PCDH10: variants seen among roughly 807,000 people sequenced by gnomAD.
PCDH10 encodes the protein protocadherin 10, also known as protocadherin-10.
PCDH10 carries 15 observed loss-of-function variants against 74.4 expected under a neutral mutation model. The observed-to-expected ratio is 0.20, with a 90% confidence interval of 0.13 to 0.31. PCDH10 has a LOEUF of 0.31. Among genes scored for constraint, PCDH10 ranks in the 10% least tolerant of loss-of-function variants. The pLI is 1.00. For missense variants in PCDH10, 1,260 were observed against 1,390.2 expected (o/e 0.91, Z 1.49); for synonymous variants, 619 against 589.8 (o/e 1.05, Z -0.72).
At position 133,180,260 on chromosome 4, in the gene PCDH10, T is replaced by A. The variant is rs189153557; in HGVS notation, c.3104-9881T>A. 5.9e-5 allele frequency among the ~76,000 whole-genome samples: 9 copies of A among 152,206 alleles called. No individual in the cohort carries two copies. The East Asian group carries it at 1.7e-3, about 29-fold the overall frequency. On this transcript the variant is annotated intron_variant, in intron 4 of 4. Coordinates refer to ENST00000264360, the MANE Select transcript of PCDH10 (RefSeq NM_032961.3). ...AGTAAATATAAGGTAATCTTAAATA[T>A]AAACATAAAGGGTGAGCCATTGTGG...
chr4:133,163,980 A>T, intron 4 of PCDH10: 1 of 453,452 alleles, frequency 2.2e-6, no homozygotes, highest in South Asian at 1.6e-5. Flanking sequence ...TAACCTGGAC[A>T]TAGATAAAGC....
At chr4:133,179,383 T>C (rs1451089457) in intron 4 of PCDH10, among the ~76,000 whole-genome samples, 1 of 152,170 alleles carries the variant, frequency 6.6e-6, no homozygotes, top group Non-Finnish European at 1.5e-5. Flanking sequence ...ATAACGTTCA[T>C]GTTTATTCTA....
intron 3 of PCDH10, among the ~76,000 whole-genome samples, chr4:133,160,376 A>G (rs927952303): frequency 6.6e-6 from 1 of 151,150 alleles, no homozygotes; most frequent in Non-Finnish European, 1.5e-5. Flanking sequence ...GATACTGTTC[A>G]TTGAACAAAA....
In PCDH10 at chr4:133,149,875, A is replaced by T. The variant is rs1726610182; in HGVS notation, c.-266A>T. 2.3e-5 allele frequency: 8 copies of T among 345,386 alleles called. No homozygotes were observed. Among genetic ancestry groups the T allele is most frequent in the Admixed American group, 4.3e-5 (1 of 23,304 alleles). 21.4% of individuals were successfully genotyped at this position (345,386 alleles called of 1,614,324 possible). A position where few individuals can be genotyped will look rare whatever the true frequency, so the allele number is the denominator to read the frequency against. On this transcript the variant is annotated 5_prime_UTR_variant, in exon 1 of 5. Transcript: ENST00000264360. ...ACTATTGTATTATTGTTATTTTATT[A>T]ATTAGTCAGTGGAAAGATTACAGAT...
chr4:133,151,157 T>G lies in PCDH10; in HGVS notation c.1017T>G (p.Pro339=). 2 of 1,614,128 alleles carry G rather than the reference T, an allele frequency of 1.2e-6. No individual in the cohort carries two copies. Among genetic ancestry groups the G allele is most frequent in the Non-Finnish European group, 1.7e-6 (2 of 1,179,990 alleles). Residue 339 remains proline (P), a synonymous_variant, in exon 1 of 5, where the codon CCT becomes CCG. Transcript: ENST00000264360. The part of the protein sequence containing the change: ...QAKDLGPNAV[P]AHCKVLVRVL... ...AGGACCTGGGCCCCAACGCCGTGCC[T>G]GCGCACTGCAAGGTGCTAGTGCGAG...
At chr4:133,160,509 A>G (rs1244906392) in intron 3 of PCDH10, among the ~76,000 whole-genome samples, 1 of 151,450 alleles carries the variant, frequency 6.6e-6, no homozygotes, top group East Asian at 1.9e-4. Context: ...ACCAAACTCA[A>G]ATAATCGAAA....
intron 2 of PCDH10, among the ~76,000 whole-genome samples, chr4:133,204,992 G>A (rs1727973781): frequency 6.6e-6 from 1 of 152,160 alleles, no homozygotes; most frequent in African/African-American, 2.4e-5. Flanking sequence ...GGTTCCAAGG[G>A]GATGATGTGA....
At chr4:133,204,393 G>A (rs1727962518) in intron 2 of PCDH10, among the ~76,000 whole-genome samples, 1 of 152,112 alleles carries the variant, frequency 6.6e-6, no homozygotes, top group Non-Finnish European at 1.5e-5. Context: ...GAGAGCTCTA[G>A]CTTACCCTTG....
At chr4:133,161,541 C>G (rs1330485512) in intron 3 of PCDH10, among the ~76,000 whole-genome samples, 1 of 151,844 alleles carries the variant, frequency 6.6e-6, no homozygotes, top group Non-Finnish European at 1.5e-5. Context: ...AAAACTAAAA[C>G]TTGCTCAAGA....
intron 4 of PCDH10, among the ~76,000 whole-genome samples, chr4:133,177,081 T>G (rs2125868574): frequency 6.6e-6 from 1 of 152,200 alleles, no homozygotes; most frequent in South Asian, 2.1e-4. Context: ...TTATACAAAA[T>G]ATTGTTACCC....
At chr4:133,173,777 G>T (rs1455777406) in intron 4 of PCDH10, among the ~76,000 whole-genome samples, 1 of 151,118 alleles carries the variant, frequency 6.6e-6, no homozygotes, top group Non-Finnish European at 1.5e-5. Context: ...AATGGAGAAT[G>T]AAATGTCCAG....
chr4:133,188,151 G>A (rs980908027), intron 4 of PCDH10, among the ~76,000 whole-genome samples: 5 of 151,958 alleles, frequency 3.3e-5, no homozygotes, highest in East Asian at 1.9e-4. Context: ...ATTATTTGTC[G>A]GTGACAATAT....
chr4:133,176,191 G>A (rs1727292092), intron 4 of PCDH10, among the ~76,000 whole-genome samples: 1 of 151,978 alleles, frequency 6.6e-6, no homozygotes, highest in South Asian at 2.1e-4. Flanking sequence ...ATGGATTTAT[G>A]AGTGACCTTT....
chr4:133,152,012 C>A lies in PCDH10; in HGVS notation c.1872C>A (p.Asn624Lys). 6.2e-7 allele frequency: 1 copy of A among 1,612,746 alleles called. No individual in the cohort carries two copies. Among genetic ancestry groups the A allele is most frequent in the Non-Finnish European group, 8.5e-7 (1 of 1,179,810 alleles). Residue 624 changes from asparagine (N) to lysine (K), a missense_variant, in exon 1 of 5, where the codon AAC becomes AAA. By Grantham distance (94) the Asn-to-Lys change is moderately conservative. Transcript: ENST00000264360. Reference sequence around the variant, plus strand: ...TCACTTACAGCATCGTGCGTGGCAACGAAATGAACCTCTTTCGCATGGACT... The same window carrying A: ...TCACTTACAGCATCGTGCGTGGCAAAGAAATGAACCTCTTTCGCATGGACT... ...ARLTYSIVRGNEMNLFRMDWR... is the reference protein window; with the variant it reads ...ARLTYSIVRGKEMNLFRMDWR...
Position 133,151,275 on chromosome 4 carries a change from C to A in PCDH10, c.1135C>A (p.Leu379Ile), listed in dbSNP as rs1394863645. Residue 379 changes from leucine to isoleucine, a missense_variant, in exon 1 of 5, where the codon CTT becomes ATT. By Grantham distance (5) the Leu-to-Ile change is conservative (BLOSUM62 2). Coordinates refer to ENST00000264360, the MANE Select transcript of PCDH10 (RefSeq NM_032961.3). ...CGCGGCGCCCGGCACTGTGGTGGCC[C>A]TTTTCAGCGTGACTGACCGCGACTC... ...EGAAPGTVVA[L>I]FSVTDRDSEE... 6.2e-7 allele frequency: 1 copy of A among 1,614,034 alleles called. No homozygotes were observed. The highest frequency in any genetic ancestry group is 8.5e-7 in the Non-Finnish European group (1 of 1,180,020).
Position 133,150,277 on chromosome 4 carries a change from C to A in PCDH10, c.137C>A (p.Thr46Lys). ...GCTGAAGATCTGGGTCTGGACATTA[C>A]AAAACTTTCGGCTCGCGGGTTTCAG... ...NIAEDLGLDI[T>K]KLSARGFQTV... The change falls in exon 1 of 5, where the codon ACA (threonine) becomes AAA (lysine). Residue 46 changes from threonine (T) to lysine (K), a missense_variant. Coordinates refer to ENST00000264360, the MANE Select transcript of PCDH10 (RefSeq NM_032961.3). 6.2e-7 allele frequency: 1 copy of A among 1,613,958 alleles called. No homozygotes were observed. The highest frequency in any genetic ancestry group is 8.5e-7 in the Non-Finnish European group (1 of 1,179,988).
intron 2 of PCDH10, among the ~76,000 whole-genome samples, chr4:133,206,488 T>A (rs1266194877): frequency 6.6e-6 from 1 of 152,204 alleles, no homozygotes; most frequent in Non-Finnish European, 1.5e-5. Context: ...AACTAATTTG[T>A]GCTGTCAATT....
chr4:133,154,384 C>T lies in PCDH10; in HGVS notation c.2690+19C>T, dbSNP rs1216994650. The stretch of plus-strand genomic sequence containing the variant: ...TTAACAGGTATGGACTCTTTTTTTC[C>T]CTAGCAGTAATGGACAATTTACAAC... On this transcript the variant is annotated intron_variant, in intron 2 of 4. Transcript: ENST00000264360. 6.6e-7 allele frequency: 1 copy of T among 1,525,472 alleles called. No homozygotes were observed. The highest frequency in any genetic ancestry group is 1.2e-5 in the South Asian group (1 of 83,808). The allele number at this position is 1,525,472 out of a possible 1,614,324, so 94.5% of individuals were successfully genotyped here.
chr4:133,186,729 G>C (rs569716715), intron 4 of PCDH10, among the ~76,000 whole-genome samples: 1 of 152,084 alleles, frequency 6.6e-6, no homozygotes, highest in East Asian at 1.9e-4. Flanking sequence ...GGTTTTGTTT[G>C]TTTTTTGAGG....
Sources: allele counts gnomAD v4.1 joint callset (sites outside exome capture counted in the v4.1 genomes callset), GRCh38; gene constraint gnomAD v4.1.1; transcripts MANE v1.5; gene names NCBI Gene and HGNC (gene_info 2026-07-23, HGNC 2026-07-21).